PDE4D: variants seen among roughly 807,000 people sequenced by gnomAD.
The protein encoded by PDE4D is phosphodiesterase 4D, also known as 3',5'-cyclic-AMP phosphodiesterase 4D.
A neutral mutation model predicts 87.4 loss-of-function variants in PDE4D; 24 were observed. The ratio of observed to expected loss-of-function variants is 0.27; its 90% CI spans 0.20 to 0.39. The LOEUF is 0.39. Ranked by LOEUF, PDE4D falls within the 10% of genes least tolerant of loss-of-function variation. The pLI, the probability that PDE4D is intolerant of heterozygous loss-of-function variation, is 1.00. For synonymous variants in PDE4D, 384 were observed against 383.2 expected (o/e 1.00, Z -0.02); for missense variants, 714 against 1,041.0 (o/e 0.69, Z 4.32).
chr5:60,333,354 C>T (rs1757468252), intron 1 of PDE4D, among the ~76,000 whole-genome samples: 1 of 152,142 alleles, frequency 6.6e-6, no homozygotes, highest in Non-Finnish European at 1.5e-5. Flanking sequence ...TTATTTCACC[C>T]ACTCACTTGA....
chr5:59,378,338 T>A (rs1425427765), intron 1 of PDE4D, among the ~76,000 whole-genome samples: 1 of 152,116 alleles, frequency 6.6e-6, no homozygotes, highest in East Asian at 1.9e-4. Context: ...GTAGGCTTAA[T>A]ACTTGGGTGA....
chr5:59,131,975 C>G (rs990976750), intron 5 of PDE4D, among the ~76,000 whole-genome samples: 1 of 152,032 alleles, frequency 6.6e-6, no homozygotes, highest in African/African-American at 2.4e-5. Context: ...ACCTACAATC[C>G]TTCCTTCTTT....
chr5:60,492,335 G>A (rs1199221984), upstream of PDE4D, among the ~76,000 whole-genome samples: 2 of 152,138 alleles, frequency 1.3e-5, no homozygotes, highest in African/African-American at 2.4e-5. Context: ...CTACTTGGGA[G>A]GCCAAGGTGG....
At chr5:59,985,685 A>C (rs1317944424) in intron 3 of PDE4D, among the ~76,000 whole-genome samples, 1 of 152,198 alleles carries the variant, frequency 6.6e-6, no homozygotes, top group Non-Finnish European at 1.5e-5. Flanking sequence ...ATATTGGATA[A>C]ATTTGTAAAT....
intron 3 of PDE4D, among the ~76,000 whole-genome samples, chr5:59,943,150 G>T (rs1757357598): frequency 6.6e-6 from 1 of 151,788 alleles, no homozygotes; most frequent in Non-Finnish European, 1.5e-5. Context: ...TGAGAGAAAG[G>T]TTAAAGGTAC....
intron 1 of PDE4D, among the ~76,000 whole-genome samples, chr5:60,266,475 T>C (rs944344400): frequency 5.5e-4 from 84 of 152,346 alleles, no homozygotes; most frequent in African/African-American, 2.0e-3. Flanking sequence ...TTGCTCACTT[T>C]TCTTTCTTGG....
chr5:59,041,914 G>T (rs1759751518), intron 5 of PDE4D, among the ~76,000 whole-genome samples: 1 of 152,218 alleles, frequency 6.6e-6, no homozygotes, highest in Non-Finnish European at 1.5e-5. Flanking sequence ...TTGTTCTTAA[G>T]AAGGTAGTAT....
At chr5:60,333,210 C>T (rs550021797) in intron 1 of PDE4D, among the ~76,000 whole-genome samples, 4 of 152,188 alleles carry the variant, frequency 2.6e-5, no homozygotes, top group Non-Finnish European at 5.9e-5. Context: ...CTCCAGGGCT[C>T]ATCTTTAAAA....
At chr5:59,625,072 T>C (rs570398156) in intron 1 of PDE4D, among the ~76,000 whole-genome samples, 2 of 152,190 alleles carry the variant, frequency 1.3e-5, no homozygotes, top group African/African-American at 4.8e-5. Context: ...GCAATTAAGG[T>C]TACTAATCAG....
At chr5:59,688,146 A>G (rs1750238167) in intron 1 of PDE4D, among the ~76,000 whole-genome samples, 1 of 152,200 alleles carries the variant, frequency 6.6e-6, no homozygotes, top group Non-Finnish European at 1.5e-5. Context: ...CACTGTCAAC[A>G]TCGGATAGAT....
At chr5:59,687,097 TACTC>T (rs1750002159) in intron 1 of PDE4D, among the ~76,000 whole-genome samples, 1 of 152,062 alleles carries the variant, frequency 6.6e-6, no homozygotes, top group Non-Finnish European at 1.5e-5. Context: ...AAACAAGAAA[TACTC>T]AGCACCTCAA....
chr5:59,807,659 A>G (rs1303342014), intron 1 of PDE4D, among the ~76,000 whole-genome samples: 1 of 152,214 alleles, frequency 6.6e-6, no homozygotes, highest in African/African-American at 2.4e-5. Context: ...TCAAGGAAAA[A>G]GGACAGACCT....
intron 1 of PDE4D, among the ~76,000 whole-genome samples, chr5:59,836,368 G>T (rs1254625925): frequency 2.6e-5 from 4 of 151,800 alleles, no homozygotes. Flanking sequence ...AAAAACAATA[G>T]AATTTACAAT....
intron 1 of PDE4D, among the ~76,000 whole-genome samples, chr5:59,678,298 G>A (rs1748448344): frequency 6.6e-6 from 1 of 151,928 alleles, no homozygotes; most frequent in East Asian, 1.9e-4. Context: ...TAAATACAAG[G>A]AGATAAAGAA....
chr5:59,990,857 C>T (rs1373769290), intron 2 of PDE4D, among the ~76,000 whole-genome samples: 1 of 152,092 alleles, frequency 6.6e-6, no homozygotes, highest in Non-Finnish European at 1.5e-5. Context: ...GATTTTAGCA[C>T]TCAAAGTCCT....
At chr5:59,971,548 C>T (rs1419409973) in intron 3 of PDE4D, among the ~76,000 whole-genome samples, 1 of 151,562 alleles carries the variant, frequency 6.6e-6, no homozygotes, top group Non-Finnish European at 1.5e-5. Context: ...CATTAGGAGT[C>T]CATTGTAAGC....
chr5:59,668,235 C>A (rs546301938), intron 1 of PDE4D, among the ~76,000 whole-genome samples: 2 of 152,200 alleles, frequency 1.3e-5, no homozygotes, highest in African/African-American at 2.4e-5. Context: ...TTAAAATGAG[C>A]AAAAACTTTA....
At chr5:59,468,673 T>G (rs1801957097) in intron 1 of PDE4D, among the ~76,000 whole-genome samples, 1 of 152,192 alleles carries the variant, frequency 6.6e-6, no homozygotes, top group South Asian at 2.1e-4. Flanking sequence ...AGCAAAGTTT[T>G]GATTTTCTTT....
chr5:60,033,651 C>CTT (rs1383104100), intron 2 of PDE4D, among the ~76,000 whole-genome samples: 1 of 152,124 alleles, frequency 6.6e-6, no homozygotes, highest in African/African-American at 2.4e-5. Flanking sequence ...ATGCCCTTTG[C>CTT]TTTTGTTGAC....
Sources: allele counts gnomAD v4.1 joint callset (sites outside exome capture counted in the v4.1 genomes callset), GRCh38; gene constraint gnomAD v4.1.1; transcripts MANE v1.5; gene names NCBI Gene and HGNC (gene_info 2026-07-23, HGNC 2026-07-21).